Variants in ANK2 observed in about 807,000 individuals in gnomAD.
ANK2 encodes the protein ankyrin 2, also known as ankyrin-2.
A neutral mutation model predicts 360.5 loss-of-function variants in ANK2; 83 were observed. The ratio of observed to expected loss-of-function variants is 0.23; its 90% CI spans 0.19 to 0.28. ANK2 has a LOEUF of 0.28. ANK2 is among the 10% of genes least tolerant of loss of function. ANK2 has a pLI of 1.00. For synonymous variants in ANK2, 1,740 were observed against 1,759.5 expected (o/e 0.99, Z 0.28); for missense variants, 4,201 against 4,795.7 (o/e 0.88, Z 3.66).
At chr4:112,800,510 T>G in the ANK2 span, among the ~76,000 whole-genome samples, 1 of 152,178 alleles carries the variant, frequency 6.6e-6, no homozygotes, top group African/African-American at 2.4e-5. Context: ...TGTAAGGTAT[T>G]CATTGCATGT....
the ANK2 span, among the ~76,000 whole-genome samples, chr4:112,733,266 A>G: frequency 6.6e-6 from 1 of 152,156 alleles, no homozygotes; most frequent in Non-Finnish European, 1.5e-5. Flanking sequence ...TGTTATTTAT[A>G]TCTCCCTGAG....
rs769627306 is a variant in ANK2 at position 113,355,514 on chromosome 4, A to T, written c.6896A>T (p.Asp2299Val). ...SEERGATVTEDSETSTESFQK... is the reference protein window; with the variant it reads ...SEERGATVTEVSETSTESFQK... ...GAGCGAGGTGCCACAGTCACTGAGGACTCAGAGACCTCTACTGAGAGTTTT... is the reference window on the plus strand; with the variant it reads ...GAGCGAGGTGCCACAGTCACTGAGGTCTCAGAGACCTCTACTGAGAGTTTT... Residue 2299 changes from aspartate (D) to valine (V), a missense_variant, in exon 38 of 46, where the codon GAC (aspartate) becomes GTC (valine). Coordinates refer to ENST00000357077, the MANE Select transcript of ANK2 (RefSeq NM_001148.6). The T allele has an allele frequency of 3.1e-6, 5 of 1,613,970 alleles. No individual in the cohort carries two copies. Among genetic ancestry groups the T allele is most frequent in the Non-Finnish European group, 3.4e-6 (4 of 1,179,910 alleles).
upstream of ANK2, among the ~76,000 whole-genome samples, chr4:113,048,657 AT>A (rs1201038336): frequency 6.6e-6 from 1 of 151,814 alleles, no homozygotes; most frequent in Admixed American, 6.6e-5. Flanking sequence ...AACAAGCCCC[AT>A]TTTTTTAAAA....
intron 1 of ANK2, among the ~76,000 whole-genome samples, chr4:113,123,439 A>T (rs544769386): frequency 7.9e-5 from 12 of 152,052 alleles, no homozygotes; most frequent in African/African-American, 2.9e-4. Flanking sequence ...CCATTATGCC[A>T]CTCTTTTTTA....
chr4:113,110,983 A>G (rs531404258), intron 1 of ANK2, among the ~76,000 whole-genome samples: 4 of 152,266 alleles, frequency 2.6e-5, no homozygotes, highest in African/African-American at 9.6e-5. Context: ...TATTTTTGCT[A>G]ATTATTTACT....
chr4:112,883,018 CTTTTTTTTTTTTTTTTTTTTTTTT>C (rs536262490), intron 1 of ANK2, among the ~76,000 whole-genome samples: 6 of 30,500 alleles, frequency 2.0e-4, no homozygotes, highest in Non-Finnish European at 3.2e-4. Context: ...CTTGGTTAGT[CTTTTTTTTTTTTTTTTTTTTTTTT>C]TTTTTTTTTT....
intron 2 of ANK2, among the ~76,000 whole-genome samples, chr4:113,039,910 T>C (rs940947432): frequency 1.3e-5 from 2 of 152,060 alleles, no homozygotes; most frequent in Admixed American, 6.6e-5. Flanking sequence ...AGGTTATTTG[T>C]TGACTTTTTA....
the ANK2 span, among the ~76,000 whole-genome samples, chr4:112,790,673 A>T: frequency 6.6e-6 from 1 of 151,952 alleles, no homozygotes; most frequent in Non-Finnish European, 1.5e-5. Context: ...TTTTCAGTAC[A>T]GATAGTGTTT....
chr4:113,356,191 A>G lies in ANK2; in HGVS notation c.7573A>G (p.Thr2525Ala). Residue 2525 changes from threonine to alanine, a missense_variant, in exon 38 of 46, where the codon ACA becomes GCA. This residue lies in a region of ANK2 where 2,642 missense variants were observed against 2,714.5 expected (regional missense o/e 0.97). Transcript: ENST00000357077. Reference protein sequence around the residue: ...GSAEDDSLEQTSLMESSGKSP... With the variant: ...GSAEDDSLEQASLMESSGKSP... ...TGCTGAGGATGACAGTCTTGAGCAG[A>G]CATCGCTCATGGAGAGCTCAGGGAA... is the stretch of plus-strand genomic sequence containing the variant. 1 of 1,613,948 alleles carries G rather than the reference A, an allele frequency of 6.2e-7. No individual in the cohort carries two copies. The highest frequency in any genetic ancestry group is 1.1e-5 in the South Asian group (1 of 91,066).
At chr4:112,778,033 G>T in the ANK2 span, among the ~76,000 whole-genome samples, 5 of 151,620 alleles carry the variant, frequency 3.3e-5, no homozygotes, top group Non-Finnish European at 5.9e-5. Context: ...GCAATGGCGC[G>T]ATCTCGGCTC....
the ANK2 span, among the ~76,000 whole-genome samples, chr4:112,774,797 G>T: frequency 3.9e-5 from 6 of 152,216 alleles, no homozygotes; most frequent in African/African-American, 1.4e-4. Flanking sequence ...GGAGGCAGGG[G>T]CTTAAAAACT....
At chr4:113,369,858 T>C in intron 43 of ANK2, 53 bp downstream of exon 43, 1 of 1,610,646 alleles carries the variant, frequency 6.2e-7, no homozygotes, top group Non-Finnish European at 8.5e-7. Flanking sequence ...CTACAAATCT[T>C]CCAGTTTCCA....
At chr4:113,278,141 T>A (rs1274996193) in intron 16 of ANK2, among the ~76,000 whole-genome samples, 1 of 152,198 alleles carries the variant, frequency 6.6e-6, no homozygotes. Context: ...CCTCAAAGTC[T>A]TGTCACAACA....
chr4:112,968,343 C>A (rs1442183294), intron 2 of ANK2, among the ~76,000 whole-genome samples: 1 of 152,176 alleles, frequency 6.6e-6, no homozygotes, highest in East Asian at 1.9e-4. Context: ...CCCGTCCAAC[C>A]AGCTGGACAG....
intron 2 of ANK2, among the ~76,000 whole-genome samples, chr4:112,990,114 T>C (rs1266023790): frequency 1.3e-5 from 2 of 151,798 alleles, no homozygotes; most frequent in African/African-American, 4.8e-5. Context: ...TACAAAAAAA[T>C]TAAAATTACC....
chr4:113,096,491 T>C (rs66515247), intron 1 of ANK2, among the ~76,000 whole-genome samples: 48,258 of 151,936 alleles, frequency 0.32, 8,092 homozygotes, highest in Non-Finnish European at 0.39. Context: ...GAGCTGATGG[T>C]TCAAGCTGTA....
At chr4:113,063,144 G>A (rs1183257007) in intron 1 of ANK2, among the ~76,000 whole-genome samples, 1 of 151,918 alleles carries the variant, frequency 6.6e-6, no homozygotes, top group East Asian at 1.9e-4. Flanking sequence ...CTCTGTGTGT[G>A]TATGAGTGTG....
At chr4:113,156,373 T>C (rs1340409604) in intron 1 of ANK2, among the ~76,000 whole-genome samples, 7 of 143,270 alleles carry the variant, frequency 4.9e-5, no homozygotes, top group Non-Finnish European at 1.1e-4. Flanking sequence ...GAAAAATTCT[T>C]TTTTTTTTGT....
the ANK2 span, among the ~76,000 whole-genome samples, chr4:112,763,595 C>T: frequency 1.3e-5 from 2 of 148,206 alleles, no homozygotes; most frequent in Non-Finnish European, 3.0e-5. Context: ...TGCAGTGGGG[C>T]GATCTCGGCT....
Sources: gnomAD v4.1 joint callset for allele counts (sites outside exome capture counted in the v4.1 genomes callset) on GRCh38, gnomAD v4.1.1 for gene constraint, gnomAD v4.1.1 regional missense constraint, MANE v1.5 for transcripts, NCBI Gene and HGNC (gene_info 2026-07-23, HGNC 2026-07-21) for gene names.